The following NF2 variants were observed in gnomAD, a reference collection of about 807,000 sequenced individuals.
NF2 encodes the protein NF2, moesin-ezrin-radixin like (MERLIN) tumor suppressor.
A neutral mutation model predicts 83.7 loss-of-function variants in NF2; 8 were observed. The observed-to-expected ratio is 0.10, with a 90% CI of 0.06 to 0.17. NF2 has a LOEUF of 0.17. NF2 is among the 10% of genes least tolerant of loss of function. The probability of loss-of-function intolerance (pLI) is 1.00; values close to 1 mark genes in which losing one functional copy is unlikely to be tolerated. For synonymous variants in NF2, 266 were observed against 269.6 expected (o/e 0.99, Z 0.13); for missense variants, 533 against 744.4 (o/e 0.72, Z 3.31).
chr22:29,675,837 A>G (rs2066946468), intron 13 of NF2, among the ~76,000 whole-genome samples: 2 of 152,278 alleles, frequency 1.3e-5, no homozygotes, highest in African/African-American at 4.8e-5. Context: ...CCATACTTAC[A>G]TTCATGCACA....
At position 29,604,095 on chromosome 22, in the gene NF2, A is replaced by C; in HGVS notation, c.97A>C (p.Met33Leu). ...GAGGATCGTCACCATGGACGCCGAG[A>C]TGGAGTTCAATTGCGAGGTAACCGG... ...TVRIVTMDAE[M>L]EFNCEMKWKG... The change falls in exon 1 of 16, where the codon ATG becomes CTG. Residue 33 changes from methionine (M) to leucine (L), a missense_variant. Transcript: ENST00000338641. The C allele has an allele frequency of 6.2e-7, 1 of 1,606,050 alleles. No homozygotes were observed. The highest frequency in any genetic ancestry group is 8.5e-7 in the Non-Finnish European group (1 of 1,176,426).
At chr22:29,678,882 A>G (rs1421112921) in intron 14 of NF2, among the ~76,000 whole-genome samples, 8 of 152,162 alleles carry the variant, frequency 5.3e-5, no homozygotes, top group Admixed American at 1.3e-4. Flanking sequence ...TCTTCCCTTT[A>G]TTGTGGGTAG....
intron 8 of NF2, among the ~76,000 whole-genome samples, chr22:29,664,785 G>A (rs533987873): frequency 6.6e-6 from 1 of 152,158 alleles, no homozygotes; most frequent in African/African-American, 2.4e-5. Context: ...TCTAGAGAGC[G>A]TACCTTTAGG....
At chr22:29,615,071 C>T (rs9608794) in intron 1 of NF2, among the ~76,000 whole-genome samples, 35,839 of 151,958 alleles carry the variant, frequency 0.24, 4,371 homozygotes, top group Non-Finnish European at 0.29. Context: ...GTAGTGCCAT[C>T]TACTCTGGAG....
intron 3 of NF2, among the ~76,000 whole-genome samples, chr22:29,640,902 G>A (rs2065790128): frequency 6.6e-6 from 1 of 152,166 alleles, no homozygotes; most frequent in South Asian, 2.1e-4. Context: ...GGGAGGCCGA[G>A]GCGGGTGGAT....
intron 14 of NF2, among the ~76,000 whole-genome samples, chr22:29,680,634 C>T (rs1232434789): frequency 1.3e-5 from 2 of 152,210 alleles, no homozygotes; most frequent in Admixed American, 1.3e-4. Flanking sequence ...TCAGTGTTAT[C>T]TGTTCTCAGG....
chr22:29,673,029 G>A (rs952460479), intron 11 of NF2, among the ~76,000 whole-genome samples: 1 of 152,236 alleles, frequency 6.6e-6, no homozygotes, highest in Non-Finnish European at 1.5e-5. Flanking sequence ...ATAAGCCTGA[G>A]CTGAGGTGGG....
At chr22:29,667,155 A>G (rs911808689) in intron 9 of NF2, among the ~76,000 whole-genome samples, 1 of 152,162 alleles carries the variant, frequency 6.6e-6, no homozygotes, top group Non-Finnish European at 1.5e-5. Context: ...GTTTTTTGCT[A>G]TCCTTAATAC....
At chr22:29,672,866 C>A (rs908335775) in intron 11 of NF2, among the ~76,000 whole-genome samples, 1 of 152,048 alleles carries the variant, frequency 6.6e-6, no homozygotes, top group African/African-American at 2.4e-5. Context: ...GTGATCTGCC[C>A]GCCTCAGCCT....
chr22:29,604,375 G>A (rs2064728259), intron 1 of NF2, among the ~76,000 whole-genome samples: 1 of 152,174 alleles, frequency 6.6e-6, no homozygotes, highest in Non-Finnish European at 1.5e-5. Flanking sequence ...TCAGTGTCAG[G>A]CTTAAGTTAG....
intron 4 of NF2, among the ~76,000 whole-genome samples, chr22:29,652,181 C>G (rs1053468317): frequency 1.3e-5 from 2 of 152,162 alleles, no homozygotes; most frequent in Non-Finnish European, 2.9e-5. Flanking sequence ...AGCACCCCCC[C>G]ACTTCCCTTC....
At chr22:29,649,624 C>G (rs970091159) in intron 4 of NF2, among the ~76,000 whole-genome samples, 20 of 152,082 alleles carry the variant, frequency 1.3e-4, no homozygotes, top group African/African-American at 4.8e-4. Context: ...TGCCTGTAAT[C>G]CCAGCTACTC....
chr22:29,657,195 C>A (rs1425505991), intron 6 of NF2, among the ~76,000 whole-genome samples: 2 of 152,134 alleles, frequency 1.3e-5, no homozygotes, highest in African/African-American at 4.8e-5. Flanking sequence ...ATTTTTAATT[C>A]CAGATTGGCG....
At chr22:29,641,103 A>C (rs1314931731) in intron 3 of NF2, among the ~76,000 whole-genome samples, 1 of 152,256 alleles carries the variant, frequency 6.6e-6, no homozygotes, top group Non-Finnish European at 1.5e-5. Context: ...ATTGCACTCC[A>C]GCCTGGGCAA....
chr22:29,643,644 A>C (rs1254775654), intron 4 of NF2, among the ~76,000 whole-genome samples: 1 of 152,078 alleles, frequency 6.6e-6, no homozygotes, highest in Admixed American at 6.5e-5. Flanking sequence ...AGGCAGAAGA[A>C]TTTTTCTTAG....
At chr22:29,615,906 G>T (rs1301575301) in intron 1 of NF2, among the ~76,000 whole-genome samples, 1 of 152,162 alleles carries the variant, frequency 6.6e-6, no homozygotes, top group Non-Finnish European at 1.5e-5. Flanking sequence ...ATAATAGCCA[G>T]AAGGTAGAAA....
intron 7 of NF2, 147 bp downstream of exon 7, chr22:29,658,411 C>T (rs1174739562): frequency 1.3e-6 from 1 of 781,246 alleles, no homozygotes; most frequent in Admixed American, 2.1e-5. Flanking sequence ...AAAGAGAGGT[C>T]TTAGTGCCTA....
intron 1 of NF2, chr22:29,609,019 G>T: frequency 1.4e-6 from 1 of 692,870 alleles, no homozygotes; most frequent in Non-Finnish European, 2.7e-6. Flanking sequence ...TGTAATGGAT[G>T]AACATGCATG....
At chr22:29,625,139 G>C (rs2065331392) in intron 1 of NF2, among the ~76,000 whole-genome samples, 1 of 152,128 alleles carries the variant, frequency 6.6e-6, no homozygotes, top group East Asian at 1.9e-4. Flanking sequence ...ATGTTGGCCA[G>C]GATGGTCTCG....
Sources: allele counts gnomAD v4.1 joint callset (sites outside exome capture counted in the v4.1 genomes callset), GRCh38; gene constraint gnomAD v4.1.1; transcripts MANE v1.5; gene names NCBI Gene and HGNC (gene_info 2026-07-23, HGNC 2026-07-21).